The following EXOC6 variants were observed in gnomAD, a reference collection of about 807,000 sequenced individuals.
The protein encoded by EXOC6 is SEC15-like 1.
A neutral mutation model predicts 112.5 loss-of-function variants in EXOC6; 60 were observed. The observed-to-expected ratio is 0.53, with a 90% CI of 0.43 to 0.66. The LOEUF (loss-of-function observed/expected upper bound fraction) is 0.66, where lower values mean the gene tolerates loss of function less well. Ranked by LOEUF, EXOC6 falls within the 30% of genes least tolerant of loss-of-function variation. The pLI is 0.00. For missense variants in EXOC6, 855 were observed against 957.1 expected (o/e 0.89, Z 1.41); for synonymous variants, 295 against 308.0 (o/e 0.96, Z 0.44).
At chr10:92,974,799 C>T (rs1435867348) in intron 18 of EXOC6, among the ~76,000 whole-genome samples, 2 of 152,158 alleles carry the variant, frequency 1.3e-5, no homozygotes, top group Admixed American at 6.5e-5. Flanking sequence ...AGCTCCTAAC[C>T]GCGAGTGATC....
At chr10:92,934,526 T>G in intron 11 of EXOC6, 96 bp downstream of exon 11, 1 of 1,068,526 alleles carries the variant, frequency 9.4e-7, no homozygotes. Context: ...CCTCCATCAT[T>G]CTGCATTTTT....
chr10:92,984,913 C>T (rs546654860), intron 18 of EXOC6, among the ~76,000 whole-genome samples: 132 of 152,164 alleles, frequency 8.7e-4, no homozygotes, highest in African/African-American at 3.0e-3. Context: ...GTGGGAGGAT[C>T]GCTTGAGCCC....
chr10:92,926,939 T>C (rs993744715), intron 8 of EXOC6, among the ~76,000 whole-genome samples: 3 of 152,204 alleles, frequency 2.0e-5, no homozygotes, highest in African/African-American at 7.2e-5. Flanking sequence ...TCTACATTTA[T>C]TTAAAATTAT....
chr10:92,874,343 G>A (rs1013259110), intron 1 of EXOC6, among the ~76,000 whole-genome samples: 1 of 152,086 alleles, frequency 6.6e-6, no homozygotes, highest in African/African-American at 2.4e-5. Context: ...TTTTCATCAG[G>A]AGTCTAGTAA....
intron 1 of EXOC6, chr10:92,878,205 G>A (rs1005335883): frequency 6.6e-6 from 1 of 152,180 alleles, no homozygotes. Flanking sequence ...CAGTACTGAT[G>A]GTGAGGTGAC....
At chr10:92,882,970 T>G (rs558980996) in intron 1 of EXOC6, among the ~76,000 whole-genome samples, 2 of 152,214 alleles carry the variant, frequency 1.3e-5, no homozygotes, top group African/African-American at 4.8e-5. Flanking sequence ...CCAGGATCCA[T>G]ACGAGAGGCA....
At chr10:92,901,056 T>C (rs1404874024) in intron 5 of EXOC6, 1 of 152,188 alleles carries the variant, frequency 6.6e-6, no homozygotes, top group Non-Finnish European at 1.5e-5. Context: ...TCTTCATGTT[T>C]AGATTCAAGT....
chr10:92,880,706 A>T (rs1239352847), intron 1 of EXOC6, among the ~76,000 whole-genome samples: 1 of 152,086 alleles, frequency 6.6e-6, no homozygotes, highest in African/African-American at 2.4e-5. Flanking sequence ...CAGTATAGCT[A>T]TTTATGAAAT....
intron 19 of EXOC6, among the ~76,000 whole-genome samples, chr10:93,010,966 C>T (rs966318280): frequency 2.0e-5 from 3 of 152,076 alleles, no homozygotes; most frequent in Admixed American, 6.6e-5. Context: ...GTATCTTCAA[C>T]AGGAACCTAG....
chr10:92,935,181 A>T (rs189580782), intron 11 of EXOC6, among the ~76,000 whole-genome samples: 1 of 152,120 alleles, frequency 6.6e-6, no homozygotes, highest in Non-Finnish European at 1.5e-5. Flanking sequence ...TAGATTCTTG[A>T]TACACTATCC....
At chr10:92,932,193 T>C (rs527244736) in intron 9 of EXOC6, among the ~76,000 whole-genome samples, 1 of 152,322 alleles carries the variant, frequency 6.6e-6, no homozygotes, top group African/African-American at 2.4e-5. Flanking sequence ...AAAATTCATA[T>C]GCAGTAAAGT....
rs1401955770 is a variant in EXOC6, at chr10:92,896,141, G to GTGTATATA, written c.412+1122_412+1123insGTATATAT. ...TATATGTGTGTGTGTGTGTGTGTAT[G>GTGTATATA]TATGTGTATATATATATATATATAT... On this transcript the variant is annotated intron_variant, in intron 4 of 21. Coordinates refer to ENST00000260762, the MANE Select transcript of EXOC6 (RefSeq NM_019053.6). 1.2e-4 allele frequency among the ~76,000 whole-genome samples: 4 copies of GTGTATATA among 33,668 alleles called. 1 individual carries two copies. The highest frequency in any genetic ancestry group is 1.9e-4 in the Non-Finnish European group (4 of 20,864). 22.1% of individuals were successfully genotyped at this position (33,668 alleles called of 152,430 possible). A position where few individuals can be genotyped will look rare whatever the true frequency, so the allele number is the denominator to read the frequency against.
intron 21 of EXOC6, among the ~76,000 whole-genome samples, chr10:93,057,935 C>T (rs879434051): frequency 6.6e-6 from 1 of 152,004 alleles, no homozygotes; most frequent in Non-Finnish European, 1.5e-5. Context: ...TTTTAGCATA[C>T]TTTGTGGAAT....
chr10:92,832,399 T>A (rs973106796), upstream of EXOC6, among the ~76,000 whole-genome samples: 1 of 152,244 alleles, frequency 6.6e-6, no homozygotes, highest in Admixed American at 6.5e-5. Flanking sequence ...TGCCTCAGGC[T>A]CTGGAGTAGC....
At chr10:92,983,500 CTTTT>C (rs11349490) in intron 18 of EXOC6, among the ~76,000 whole-genome samples, 5 of 109,390 alleles carry the variant, frequency 4.6e-5, no homozygotes, top group African/African-American at 7.7e-5. Flanking sequence ...CTTTCTTCTT[CTTTT>C]TTTTTTTTTT....
At chr10:92,963,532 A>G (rs1188365173) in intron 17 of EXOC6, among the ~76,000 whole-genome samples, 3 of 141,374 alleles carry the variant, frequency 2.1e-5, no homozygotes, top group African/African-American at 2.6e-5. Context: ...ATAAAGAGCA[A>G]TTTTTTTTTT....
intron 8 of EXOC6, among the ~76,000 whole-genome samples, chr10:92,923,105 T>C (rs1284858247): frequency 6.6e-6 from 1 of 152,152 alleles, no homozygotes; most frequent in Non-Finnish European, 1.5e-5. Context: ...TTATGGTGTG[T>C]AGATATGGTG....
chr10:92,896,101 A>ATATATATG lies in EXOC6; in HGVS notation c.412+1083_412+1090dup, dbSNP rs1554889093. ...TATATGTGTATATATATATGTGTGT[A>ATATATATG]TATATATGTGTATATATATGTGTGT... On this transcript the variant is annotated intron_variant, in intron 4 of 21. Transcript: ENST00000260762. Among the ~76,000 whole-genome samples, 3 of 35,624 alleles carry ATATATATG rather than the reference A, an allele frequency of 8.4e-5. 1 individual carries two copies. Among genetic ancestry groups the ATATATATG allele is most frequent in the Non-Finnish European group, 1.4e-4 (3 of 21,518 alleles). 23.4% of individuals were successfully genotyped at this position (35,624 alleles called of 152,430 possible). A position where few individuals can be genotyped will look rare whatever the true frequency, so the allele number is the denominator to read the frequency against.
chr10:92,827,272 A>C (rs1254553530), intron 1 of EXOC6, among the ~76,000 whole-genome samples: 1 of 151,528 alleles, frequency 6.6e-6, no homozygotes, highest in Non-Finnish European at 1.5e-5. Flanking sequence ...TCAGGAGTTC[A>C]AGACCAGCCT....
Sources: allele counts gnomAD v4.1 joint callset (sites outside exome capture counted in the v4.1 genomes callset), GRCh38; gene constraint gnomAD v4.1.1; transcripts MANE v1.5; gene names NCBI Gene and HGNC (gene_info 2026-07-23, HGNC 2026-07-21).